The following KCTD1 variants were observed in gnomAD, a reference collection of about 807,000 sequenced individuals.
The protein encoded by KCTD1 is potassium channel tetramerization domain containing 1, also known as BTB/POZ domain-containing protein KCTD1.
In KCTD1, 24 loss-of-function variants were observed where a neutral mutation model predicts 66.0. That is an observed-to-expected ratio of 0.36 (90% confidence interval 0.26 to 0.51). The LOEUF (loss-of-function observed/expected upper bound fraction) is 0.51. Ranked by LOEUF, KCTD1 falls within the 20% of genes least tolerant of loss-of-function variation. KCTD1 has a pLI of 0.95. For synonymous variants in KCTD1, 511 were observed against 517.2 expected, an observed-to-expected ratio of 0.99 and a Z score of 0.16; for missense variants, 943 against 1,205.2, an observed-to-expected ratio of 0.78 and a Z score of 3.22.
At chr18:26,647,877 T>C (rs1413812545) in intron 1 of KCTD1, among the ~76,000 whole-genome samples, 3 of 152,068 alleles carry the variant, frequency 2.0e-5, no homozygotes, top group Admixed American at 6.6e-5. Flanking sequence ...CATTGCTCTG[T>C]TGCACAGGCT....
chr18:26,632,805 G>T (rs967738480), upstream of KCTD1, among the ~76,000 whole-genome samples: 2 of 152,132 alleles, frequency 1.3e-5, no homozygotes, highest in South Asian at 4.2e-4. Flanking sequence ...TCAAAACAAC[G>T]TCTGAACAAA....
chr18:26,565,110 T>C (rs1985952299), intron 1 of KCTD1, among the ~76,000 whole-genome samples: 1 of 152,148 alleles, frequency 6.6e-6, no homozygotes, highest in Non-Finnish European at 1.5e-5. Flanking sequence ...GGTGAAGAAT[T>C]CATTAATATT....
intron 1 of KCTD1, among the ~76,000 whole-genome samples, chr18:26,513,968 C>T (rs761432862): frequency 1.3e-5 from 2 of 152,330 alleles, no homozygotes; most frequent in African/African-American, 2.4e-5. Context: ...TACTTGCCTC[C>T]ACTGGCAGGA....
At chr18:26,513,191 C>T (rs1413621909) in intron 1 of KCTD1, among the ~76,000 whole-genome samples, 1 of 151,314 alleles carries the variant, frequency 6.6e-6, no homozygotes. Flanking sequence ...GGGTTCACGC[C>T]ATTCTCCTGC....
At position 26,593,646 on chromosome 18, in the gene KCTD1, G is replaced by A. The variant is rs895232382; in HGVS notation, c.-16+35501C>T. On this transcript the variant is annotated intron_variant, in intron 1 of 4. Coordinates refer to the KCTD1 transcript ENST00000317932. Reference sequence around the variant, plus strand: ...AGGAGGAAGATGAGGAGGAAGAGAAGGAAGAGGAGGAAGAGGAGGAGGAGG... The same window carrying A: ...AGGAGGAAGATGAGGAGGAAGAGAAAGAAGAGGAGGAAGAGGAGGAGGAGG... 6.1e-3 allele frequency among the ~76,000 whole-genome samples: 582 copies of A among 95,138 alleles called. 2 individuals are homozygous for A. Among genetic ancestry groups the A allele is most frequent in the East Asian group, 0.011 (27 of 2,542 alleles). The allele number at this position is 95,138 out of a possible 152,430, so 62.4% of individuals were successfully genotyped here.
At chr18:26,514,933 G>A (rs1301955981) in intron 1 of KCTD1, among the ~76,000 whole-genome samples, 2 of 152,182 alleles carry the variant, frequency 1.3e-5, no homozygotes, top group Non-Finnish European at 2.9e-5. Context: ...AGATATCAGT[G>A]AAAGCTTAGA....
At chr18:26,513,145 T>C (rs1229959715) in intron 1 of KCTD1, among the ~76,000 whole-genome samples, 5 of 147,318 alleles carry the variant, frequency 3.4e-5, no homozygotes, top group African/African-American at 1.0e-4. Flanking sequence ...TGGAGTGCAA[T>C]GGCGCCATCT....
intron 1 of KCTD1, among the ~76,000 whole-genome samples, chr18:26,521,798 TGGCTGCCTGCC>T (rs1983924602): frequency 6.6e-6 from 1 of 152,120 alleles, no homozygotes; most frequent in Non-Finnish European, 1.5e-5. Context: ...AGCAGAGCAG[TGGCTGCCTGCC>T]GGCTGGGACA....
chr18:26,656,230 G>A (rs1218020984), intron 1 of KCTD1, among the ~76,000 whole-genome samples: 2 of 152,066 alleles, frequency 1.3e-5, no homozygotes, highest in South Asian at 4.1e-4. Context: ...TCCTGACTTG[G>A]CGCTGACCGC....
upstream of KCTD1, among the ~76,000 whole-genome samples, chr18:26,642,843 T>G (rs1049465310): frequency 2.3e-5 from 3 of 130,008 alleles, no homozygotes; most frequent in Non-Finnish European, 3.1e-5. Context: ...ATGAACACAC[T>G]AGAAGGAAAT....
chr18:26,607,180 G>A (rs943391051), intron 1 of KCTD1, among the ~76,000 whole-genome samples: 1 of 152,158 alleles, frequency 6.6e-6, no homozygotes, highest in Non-Finnish European at 1.5e-5. Flanking sequence ...GACGATAGGT[G>A]CAAGCCACCA....
chr18:26,548,660 G>A (rs1457507656), upstream of KCTD1: 40 of 1,075,884 alleles, frequency 3.7e-5, no homozygotes, highest in Non-Finnish European at 4.1e-5. Context: ...TAAAGGAGCC[G>A]CGCTCCAATT....
intron 1 of KCTD1, among the ~76,000 whole-genome samples, chr18:26,523,287 T>C (rs79187410): frequency 2.0e-5 from 3 of 152,314 alleles, no homozygotes; most frequent in South Asian, 2.1e-4. Context: ...TTTCTTTAGA[T>C]ACCTATTGAA....
rs115172101 is a variant in KCTD1 at position 26,533,652 on chromosome 18, C to T, written c.1809+13076G>A. ...TAGCTGGGACTACAGGCATGTGCCA[C>T]CATGCTGGGCTAATGTTCGTATTTT... is the stretch of plus-strand genomic sequence containing the variant. On this transcript the variant is annotated intron_variant, in intron 1 of 4. Coordinates refer to ENST00000580059, the MANE Select transcript of KCTD1 (RefSeq NM_001142730.3). Among the ~76,000 whole-genome samples the T allele has an allele frequency of 9.4e-3, 1,425 of 152,136 alleles. 27 individuals carry two copies. The highest frequency in any genetic ancestry group is 0.032 in the African/African-American group (1,328 of 41,492).
At chr18:26,481,857 A>AT (rs1041851619) in intron 2 of KCTD1, among the ~76,000 whole-genome samples, 32 of 152,164 alleles carry the variant, frequency 2.1e-4, no homozygotes, top group East Asian at 9.7e-4. Context: ...AGGCATCTGT[A>AT]TTTTTTTTAA....
At chr18:26,617,383 C>T (rs543168513) in intron 1 of KCTD1, among the ~76,000 whole-genome samples, 14 of 152,326 alleles carry the variant, frequency 9.2e-5, no homozygotes, top group Non-Finnish European at 1.3e-4. Flanking sequence ...TCATAGCTGA[C>T]GCTCCTCAAC....
At chr18:26,639,090 G>C (rs1038325764) in intron 1 of KCTD1, among the ~76,000 whole-genome samples, 4 of 152,178 alleles carry the variant, frequency 2.6e-5, no homozygotes, top group African/African-American at 9.7e-5. Flanking sequence ...AGTCCCCTGG[G>C]GAGAAACATC....
At chr18:26,543,554 G>GT (rs1450182776) in intron 1 of KCTD1, 2 of 152,226 alleles carry the variant, frequency 1.3e-5, no homozygotes, top group African/African-American at 4.8e-5. Flanking sequence ...CTCCTCAAAG[G>GT]TAAGTTAATG....
At chr18:26,643,063 C>T (rs1987861799), upstream of KCTD1, among the ~76,000 whole-genome samples, 1 of 152,058 alleles carries the variant, frequency 6.6e-6, no homozygotes, top group Middle Eastern at 3.2e-3. Flanking sequence ...GTGGCTTAAA[C>T]AACAGAAATT....
Sources: allele counts gnomAD v4.1 joint callset (sites outside exome capture counted in the v4.1 genomes callset), GRCh38; gene constraint gnomAD v4.1.1; transcripts MANE v1.5; gene names NCBI Gene and HGNC (gene_info 2026-07-23, HGNC 2026-07-21).